Variants in LYPLAL1 observed in about 807,000 individuals in gnomAD.
LYPLAL1 encodes the protein lysophospholipase like 1, also known as lysophospholipase-like protein 1.
LYPLAL1 carries 23 observed loss-of-function variants against 19.7 expected under a neutral mutation model. The ratio of observed to expected loss-of-function variants is 1.17; its 90% CI spans 0.84 to 1.65. LYPLAL1 has a LOEUF of 1.65. LYPLAL1 is among the 40% of genes most tolerant of loss of function. LYPLAL1 has a pLI of 0.00. For missense variants in LYPLAL1, 355 were observed against 279.4 expected (o/e 1.27, Z -1.93); for synonymous variants, 119 against 96.3 (o/e 1.24, Z -1.38).
At chr1:219,267,335 T>A in the LYPLAL1 span, among the ~76,000 whole-genome samples, 47 of 152,264 alleles carry the variant, frequency 3.1e-4, no homozygotes, top group Admixed American at 1.6e-3. Flanking sequence ...GCTAATAACA[T>A]GGAACCTCTG....
the LYPLAL1 span, among the ~76,000 whole-genome samples, chr1:219,439,652 C>T: frequency 3.3e-5 from 5 of 152,046 alleles, no homozygotes; most frequent in Admixed American, 3.3e-4. Flanking sequence ...GTGGCTATTT[C>T]ATAAGTGCTT....
At chr1:219,284,620 T>C in the LYPLAL1 span, among the ~76,000 whole-genome samples, 1 of 150,658 alleles carries the variant, frequency 6.6e-6, no homozygotes, top group Non-Finnish European at 1.5e-5. Context: ...ATGCTACATA[T>C]ATGCCAAGCA....
chr1:219,193,956 G>C (rs1228958759), intron 3 of LYPLAL1, among the ~76,000 whole-genome samples: 1 of 151,832 alleles, frequency 6.6e-6, no homozygotes, highest in East Asian at 1.9e-4. Context: ...AGCAAATTAA[G>C]TATCCCCATT....
At chr1:219,445,398 T>G in the LYPLAL1 span, among the ~76,000 whole-genome samples, 1 of 102,410 alleles carries the variant, frequency 9.8e-6, no homozygotes, top group South Asian at 4.0e-4. Context: ...TAATGTAAGT[T>G]TATTCAAATT....
At chr1:219,298,770 T>G in the LYPLAL1 span, among the ~76,000 whole-genome samples, 247 of 152,372 alleles carry the variant, frequency 1.6e-3, 2 homozygotes, top group African/African-American at 5.4e-3. Context: ...AGGTCATTCT[T>G]TCTTTTTTCT....
At chr1:219,234,756 C>T in the LYPLAL1 span, among the ~76,000 whole-genome samples, 11 of 152,104 alleles carry the variant, frequency 7.2e-5, no homozygotes, top group African/African-American at 1.4e-4. Flanking sequence ...TATAACATAA[C>T]GTGATTGCTG....
chr1:219,175,327 T>G (rs1655725285), intron 1 of LYPLAL1, among the ~76,000 whole-genome samples: 1 of 152,092 alleles, frequency 6.6e-6, no homozygotes, highest in Non-Finnish European at 1.5e-5. Context: ...CGGCATATAT[T>G]TAGAAGGTGA....
chr1:219,219,997 G>T, the LYPLAL1 span, among the ~76,000 whole-genome samples: 3 of 152,072 alleles, frequency 2.0e-5, no homozygotes, highest in Non-Finnish European at 4.4e-5. Flanking sequence ...AGATAGCAAT[G>T]ATTAAAGTTT....
chr1:219,375,773 G>A, the LYPLAL1 span, among the ~76,000 whole-genome samples: 136 of 139,786 alleles, frequency 9.7e-4, no homozygotes, highest in African/African-American at 3.4e-3. Context: ...GCAGAGTCTC[G>A]CTCTGTCGTC....
the LYPLAL1 span, among the ~76,000 whole-genome samples, chr1:219,372,737 A>G: frequency 5.3e-5 from 8 of 151,874 alleles, no homozygotes; most frequent in Admixed American, 5.3e-4. Flanking sequence ...CTGCCTCTAC[A>G]AAAAAATACA....
At chr1:219,258,634 C>G in the LYPLAL1 span, among the ~76,000 whole-genome samples, 1 of 151,980 alleles carries the variant, frequency 6.6e-6, no homozygotes, top group Non-Finnish European at 1.5e-5. Context: ...TATGTCATTA[C>G]TAATATATTT....
chr1:219,229,272 A>G, the LYPLAL1 span, among the ~76,000 whole-genome samples: 110 of 149,308 alleles, frequency 7.4e-4, no homozygotes, highest in African/African-American at 2.6e-3. Context: ...ACTCCCATGG[A>G]CATAGGTGAG....
At chr1:219,284,915 C>T in the LYPLAL1 span, among the ~76,000 whole-genome samples, 1 of 152,086 alleles carries the variant, frequency 6.6e-6, no homozygotes, top group Admixed American at 6.6e-5. Flanking sequence ...AAAACTAATG[C>T]ATTTGAATAT....
chr1:219,417,745 C>T, the LYPLAL1 span, among the ~76,000 whole-genome samples: 1 of 152,204 alleles, frequency 6.6e-6, no homozygotes, highest in African/African-American at 2.4e-5. Flanking sequence ...GGCTTTGCCA[C>T]CTCAGTCCCA....
chr1:219,291,977 T>C, the LYPLAL1 span, among the ~76,000 whole-genome samples: 1 of 152,210 alleles, frequency 6.6e-6, no homozygotes, highest in Non-Finnish European at 1.5e-5. Context: ...TGAAATAATC[T>C]ACATATCCCA....
At chr1:219,211,422 T>C in intron 4 of LYPLAL1, 70 bp from the exon 5 acceptor site, 1 of 1,073,110 alleles carries the variant, frequency 9.3e-7, no homozygotes, top group Non-Finnish European at 1.3e-6. Flanking sequence ...TTTCCTGTTC[T>C]CTCTGATTTC....
At chr1:219,347,630 A>T in the LYPLAL1 span, among the ~76,000 whole-genome samples, 1 of 152,332 alleles carries the variant, frequency 6.6e-6, no homozygotes, top group South Asian at 2.1e-4. Flanking sequence ...AGATGCTGTG[A>T]TCTACAAAAT....
the LYPLAL1 span, among the ~76,000 whole-genome samples, chr1:219,310,562 C>T: frequency 6.6e-6 from 1 of 152,208 alleles, no homozygotes; most frequent in Non-Finnish European, 1.5e-5. Flanking sequence ...CTGCCCTTAT[C>T]TCACTTTGTC....
the LYPLAL1 span, among the ~76,000 whole-genome samples, chr1:219,324,066 G>A: frequency 2.0e-5 from 3 of 152,118 alleles, no homozygotes; most frequent in African/African-American, 7.2e-5. Flanking sequence ...CCCAAATGGT[G>A]GTTCTTTCTT....
Sources: gnomAD v4.1 joint callset for allele counts (sites outside exome capture counted in the v4.1 genomes callset) on GRCh38, gnomAD v4.1.1 for gene constraint, MANE v1.5 for transcripts, NCBI Gene and HGNC (gene_info 2026-07-23, HGNC 2026-07-21) for gene names.